Variants in ARAP2 observed in about 807,000 individuals in gnomAD.
ARAP2 encodes ArfGAP with RhoGAP domain, ankyrin repeat and PH domain 2.
Under a neutral mutation model 194.5 loss-of-function variants are expected in ARAP2, and 148 were observed. The ratio of observed to expected loss-of-function variants is 0.76; its 90% CI spans 0.67 to 0.87. ARAP2 has a LOEUF of 0.87. Ranked by LOEUF, ARAP2 falls within the 40% of genes least tolerant of loss-of-function variation. The pLI is 0.00. For synonymous variants in ARAP2, 695 were observed against 683.5 expected (o/e 1.02, Z -0.26); for missense variants, 2,128 against 1,989.7 (o/e 1.07, Z -1.32).
intron 9 of ARAP2, among the ~76,000 whole-genome samples, chr4:36,172,446 G>A (rs1215716881): frequency 6.6e-6 from 1 of 152,090 alleles, no homozygotes; most frequent in East Asian, 1.9e-4. Context: ...GGTTCTAAAA[G>A]CAGAATTTAT....
intron 1 of ARAP2, among the ~76,000 whole-genome samples, chr4:36,060,784 G>A (rs148156684): frequency 3.5e-4 from 53 of 152,020 alleles, no homozygotes; most frequent in Non-Finnish European, 4.3e-4. Flanking sequence ...TTTCCTCTGT[G>A]GCTGGGCATC....
intron 5 of ARAP2, among the ~76,000 whole-genome samples, chr4:36,036,437 T>C (rs1430531503): frequency 6.6e-6 from 1 of 152,142 alleles, no homozygotes; most frequent in Non-Finnish European, 1.5e-5. Context: ...TTTGATGTTG[T>C]TGTGGTAGCT....
At chr4:36,192,137 C>A (rs975678072) in intron 7 of ARAP2, among the ~76,000 whole-genome samples, 3 of 150,048 alleles carry the variant, frequency 2.0e-5, no homozygotes, top group Admixed American at 6.6e-5. Context: ...AACTCTCTCT[C>A]CTTTTAGGAA....
At chr4:36,224,206 C>CA (rs1749774708) in intron 2 of ARAP2, among the ~76,000 whole-genome samples, 1 of 141,346 alleles carries the variant, frequency 7.1e-6, no homozygotes, top group African/African-American at 2.6e-5. Flanking sequence ...CATCATTTCA[C>CA]AAAATGTTAA....
At chr4:36,225,732 G>A (rs1029865394) in intron 2 of ARAP2, among the ~76,000 whole-genome samples, 1 of 152,108 alleles carries the variant, frequency 6.6e-6, no homozygotes. Flanking sequence ...AGAGCCCTAT[G>A]TCAGGAAAAG....
Position 36,147,298 on chromosome 4 carries a change from C to T in ARAP2, c.3261G>A (p.Gly1087=), listed in dbSNP as rs571642187. 1.2e-6 allele frequency: 2 copies of T among 1,612,644 alleles called. No individual in the cohort carries two copies. Among genetic ancestry groups the T allele is most frequent in the African/African-American group, 1.3e-5 (1 of 74,960 alleles). Residue 1087 remains glycine (G), a splice_region_variant and synonymous_variant, in exon 19 of 33, where the codon GGG becomes GGA. Transcript: ENST00000303965. ...KLDVLLLVEK[G]RTLYIHGHTK... ...ATAAAAAGCAAAAAGGCACTTACCT[C>T]CCTTTTTCTACCAAGAGTAAAACAT...
chr4:36,035,485 A>G (rs996974853), intron 5 of ARAP2, among the ~76,000 whole-genome samples: 24 of 152,124 alleles, frequency 1.6e-4, no homozygotes, highest in African/African-American at 5.8e-4. Context: ...AGGTTCTAGG[A>G]TATGTTTTCA....
chr4:36,117,203 G>A (rs1160031565), intron 24 of ARAP2, 68 bp from the exon 25 acceptor site: 1 of 1,122,430 alleles, frequency 8.9e-7, no homozygotes, highest in Non-Finnish European at 1.2e-6. Flanking sequence ...TGAAACTGAA[G>A]ACAGCTATAA....
At chr4:36,075,414 C>T (rs1342781697) in intron 31 of ARAP2, among the ~76,000 whole-genome samples, 1 of 152,102 alleles carries the variant, frequency 6.6e-6, no homozygotes, top group Non-Finnish European at 1.5e-5. Context: ...AAAAGTCATA[C>T]AGCACGGATC....
intron 15 of ARAP2, among the ~76,000 whole-genome samples, chr4:36,152,247 A>C (rs956556525): frequency 6.6e-6 from 1 of 152,200 alleles, no homozygotes; most frequent in African/African-American, 2.4e-5. Flanking sequence ...GTTAACAGAG[A>C]CCAAAGCAAT....
chr4:36,078,759 C>T (rs1329668559), intron 31 of ARAP2, among the ~76,000 whole-genome samples: 1 of 152,032 alleles, frequency 6.6e-6, no homozygotes, highest in African/African-American at 2.4e-5. Flanking sequence ...CTACTGACTC[C>T]AATTATAAAA....
Position 36,014,372 on chromosome 4 carries a change from A to G in ARAP2, n.1056+1014T>C, listed in dbSNP as rs528388265. On this transcript the variant is annotated intron_variant and non_coding_transcript_variant, in intron 8 of 12. Transcript: ENST00000503225. The stretch of plus-strand genomic sequence containing the variant: ...AAAGAAAGAAAGAAAGAAAGAAAGA[A>G]AGAAAGAAAGAAAATGTAAGTAGCA... Among the ~76,000 whole-genome samples, 658 of 118,800 alleles carry G rather than the reference A, an allele frequency of 5.5e-3. 30 individuals are homozygous for G. Among genetic ancestry groups the G allele is most frequent in the African/African-American group, 0.022 (630 of 29,212 alleles). The allele number at this position is 118,800 out of a possible 152,430, so 77.9% of individuals were successfully genotyped here.
rs776680109 is a variant in ARAP2, at chr4:36,066,688, T to C, written c.*1219A>G. 1 of 152,188 alleles carries C rather than the reference T, an allele frequency of 6.6e-6. No homozygotes were observed. The highest frequency in any genetic ancestry group is 1.5e-5 in the Non-Finnish European group (1 of 68,030). 9.4% of individuals were successfully genotyped at this position (152,188 alleles called of 1,614,324 possible). ...CATGAACTATGGTTAGATAGCATTG[T>C]CTGTCAGGAAATTCACCAATTCAGT... On this transcript the variant is annotated 3_prime_UTR_variant, in exon 33 of 33. Transcript: ENST00000303965.
chr4:36,186,031 T>C (rs1235616002), intron 8 of ARAP2, among the ~76,000 whole-genome samples: 2 of 151,958 alleles, frequency 1.3e-5, no homozygotes, highest in Non-Finnish European at 2.9e-5. Flanking sequence ...GAGACTGTTG[T>C]GAAAATGAAG....
intron 23 of ARAP2, among the ~76,000 whole-genome samples, chr4:36,120,791 A>G (rs532305852): frequency 1.6e-4 from 25 of 151,826 alleles, no homozygotes; most frequent in African/African-American, 6.0e-4. Context: ...GGACACAACT[A>G]AAAGAAAAAA....
chr4:36,091,831 A>T, intron 28 of ARAP2, 50 bp downstream of exon 28: 1 of 1,520,686 alleles, frequency 6.6e-7, no homozygotes, highest in Non-Finnish European at 8.9e-7. Flanking sequence ...ATAAAATACA[A>T]ATGTTAATAC....
At chr4:36,143,527 A>G (rs991386486) in intron 19 of ARAP2, among the ~76,000 whole-genome samples, 1 of 151,806 alleles carries the variant, frequency 6.6e-6, no homozygotes, top group Non-Finnish European at 1.5e-5. Context: ...ATTTTCCTCA[A>G]TACCATATAG....
chr4:36,111,392 T>G (rs994792841), intron 26 of ARAP2, among the ~76,000 whole-genome samples: 1 of 151,968 alleles, frequency 6.6e-6, no homozygotes, highest in Non-Finnish European at 1.5e-5. Context: ...GCCCTTCTGT[T>G]GCTCTCCTAC....
chr4:36,203,692 G>A (rs187235344), intron 6 of ARAP2, among the ~76,000 whole-genome samples: 3 of 152,010 alleles, frequency 2.0e-5, no homozygotes, highest in Admixed American at 6.6e-5. Flanking sequence ...CTTCTGTATG[G>A]AAATACATTA....
Sources: allele counts gnomAD v4.1 joint callset (sites outside exome capture counted in the v4.1 genomes callset), GRCh38; gene constraint gnomAD v4.1.1; transcripts MANE v1.5; gene names NCBI Gene and HGNC (gene_info 2026-07-23, HGNC 2026-07-21).